LPP: variants seen among roughly 807,000 people sequenced by gnomAD.
LPP encodes the protein LIM domain containing preferred translocation partner in lipoma.
In LPP, 38 loss-of-function variants were observed where a neutral mutation model predicts 60.4. The ratio of observed to expected loss-of-function variants is 0.63; its 90% CI spans 0.49 to 0.83. The LOEUF (loss-of-function observed/expected upper bound fraction) is 0.83. Ranked by LOEUF, LPP falls within the 40% of genes least tolerant of loss-of-function variation. The pLI, the probability that LPP is intolerant of heterozygous loss-of-function variation, is 0.00. For synonymous variants in LPP, 328 were observed against 290.8 expected, an observed-to-expected ratio of 1.13 and a Z score of -1.30; for missense variants, 902 against 783.6, an observed-to-expected ratio of 1.15 and a Z score of -1.80.
chr3:188,408,598 C>T (rs149845828), intron 4 of LPP, among the ~76,000 whole-genome samples: 10 of 152,260 alleles, frequency 6.6e-5, no homozygotes, highest in Non-Finnish European at 1.3e-4. Context: ...CTCCCTTTCC[C>T]GAGTTTCCAC....
rs1435446855 is a variant in LPP, at chr3:188,609,973, G to A, written c.1113+129G>A. 3.3e-6 allele frequency: 3 copies of A among 898,838 alleles called. No individual in the cohort carries two copies. Among genetic ancestry groups the A allele is most frequent in the African/African-American group, 3.4e-5 (2 of 58,864 alleles). 55.7% of individuals were successfully genotyped at this position (898,838 alleles called of 1,614,324 possible). On this transcript the variant is annotated intron_variant, in intron 7 of 11. Transcript: ENST00000617246. This position sits in a 1 kb window ranked among gnomAD's most constrained non-coding sequence, Gnocchi z 6.9. ...TTTCACTGACAAATACAATCCCAGG[G>A]AAGGATGAGTGAAGCCAGAGAGGAG...
At chr3:188,602,181 T>TATATAATATATATATA (rs1841490428) in intron 6 of LPP, among the ~76,000 whole-genome samples, 6 of 135,002 alleles carry the variant, frequency 4.4e-5, no homozygotes, top group African/African-American at 1.6e-4. Context: ...ATATATTATA[T>TATATAATATATATATA]ATATATATGA....
At chr3:188,874,276 C>T (rs1578102992) in intron 11 of LPP, 75 bp from the exon 12 acceptor site, 1 of 1,446,364 alleles carries the variant, frequency 6.9e-7, no homozygotes, top group East Asian at 2.3e-5. Context: ...GAATAGAAAG[C>T]TCAATCATGA....
chr3:188,171,205 C>T (rs577562887), intron 1 of LPP, among the ~76,000 whole-genome samples: 13 of 152,222 alleles, frequency 8.5e-5, no homozygotes, highest in African/African-American at 2.7e-4. Context: ...AAGCTGCAGT[C>T]ACCCTGGATT....
chr3:188,526,343 G>A (rs1820576560), intron 6 of LPP, among the ~76,000 whole-genome samples: 1 of 151,936 alleles, frequency 6.6e-6, no homozygotes, highest in African/African-American at 2.4e-5. Flanking sequence ...TGCCAAGGCT[G>A]GAATGCAGTG....
intron 6 of LPP, among the ~76,000 whole-genome samples, chr3:188,602,467 T>C (rs1202734358): frequency 6.6e-6 from 1 of 151,752 alleles, no homozygotes; most frequent in African/African-American, 2.4e-5. Context: ...TTTTTGCTCA[T>C]TGTACAAACT....
At chr3:188,559,013 G>T (rs895471501) in intron 6 of LPP, among the ~76,000 whole-genome samples, 2 of 152,026 alleles carry the variant, frequency 1.3e-5, no homozygotes, top group Non-Finnish European at 2.9e-5. Flanking sequence ...GTAATGAAAT[G>T]CATGGGTTCT....
At chr3:188,841,297 G>A (rs1759897660) in intron 9 of LPP, among the ~76,000 whole-genome samples, 4 of 26,572 alleles carry the variant, frequency 1.5e-4, no homozygotes, top group African/African-American at 6.8e-4. Flanking sequence ...GTGTGGTACA[G>A]TGTCCTGACA....
intron 2 of LPP, among the ~76,000 whole-genome samples, chr3:188,340,498 G>A (rs1451942247): frequency 6.7e-6 from 1 of 149,760 alleles, no homozygotes; most frequent in Non-Finnish European, 1.5e-5. Flanking sequence ...TTATGTAAAC[G>A]GGACATTTTA....
chr3:188,787,137 A>G (rs1262326739), intron 9 of LPP, among the ~76,000 whole-genome samples: 1 of 152,208 alleles, frequency 6.6e-6, no homozygotes, highest in Non-Finnish European at 1.5e-5. Context: ...AGAAATCTGA[A>G]TAAGATTGAT....
chr3:188,685,054 A>C (rs1211925312), intron 7 of LPP, among the ~76,000 whole-genome samples: 3 of 152,210 alleles, frequency 2.0e-5, no homozygotes. Flanking sequence ...ACCCTTTGAA[A>C]TGTGGGTACT....
At chr3:188,391,007 G>A (rs1452733196) in intron 3 of LPP, among the ~76,000 whole-genome samples, 3 of 152,212 alleles carry the variant, frequency 2.0e-5, no homozygotes, top group Non-Finnish European at 4.4e-5. Context: ...TCGGGCATGT[G>A]TGTTATGTGA....
Position 188,213,991 on chromosome 3 carries a change from C to CAA in LPP, c.-189-11413_-189-11412insAA, listed in dbSNP as rs573306392. Among the ~76,000 whole-genome samples the CAA allele has an allele frequency of 2.0e-3, 310 of 151,918 alleles. 2 individuals are homozygous for CAA. Among genetic ancestry groups the CAA allele is most frequent in the African/African-American group, 7.3e-3 (303 of 41,430 alleles). On this transcript the variant is annotated intron_variant, in intron 1 of 11. Transcript: ENST00000617246. The stretch of plus-strand genomic sequence containing the variant: ...ACACACACACACACACACACACACA[C>CAA]ACACACACACTTTTTAAGCCTACCA...
intron 8 of LPP, among the ~76,000 whole-genome samples, chr3:188,713,112 A>C (rs1324431704): frequency 6.6e-6 from 1 of 152,196 alleles, no homozygotes; most frequent in Non-Finnish European, 1.5e-5. Flanking sequence ...TCTTAAACCA[A>C]GTAATGAAAT....
chr3:188,576,121 T>C (rs930069933), intron 6 of LPP, among the ~76,000 whole-genome samples: 1 of 152,198 alleles, frequency 6.6e-6, no homozygotes, highest in Non-Finnish European at 1.5e-5. Context: ...TTAAGGCCAT[T>C]GGTTTAAATC....
At position 188,572,694 on chromosome 3, in the gene LPP, C is replaced by G. The variant is rs1833791166; in HGVS notation, c.430-36467C>G. 6.6e-6 allele frequency among the ~76,000 whole-genome samples: 1 copy of G among 152,010 alleles called. No individual in the cohort carries two copies. The highest frequency in any genetic ancestry group is 2.1e-4 in the South Asian group (1 of 4,826). ...AAATTGAATGATAGGGGTGTAAGCA[C>G]TTTGTAAATCCAAGTAAGAATTATT... On this transcript the variant is annotated intron_variant, in intron 6 of 11. Coordinates refer to ENST00000617246, the MANE Select transcript of LPP (RefSeq NM_001375462.1). This position sits in a 1 kb window ranked among gnomAD's most constrained non-coding sequence, Gnocchi z 4.1.
intron 9 of LPP, among the ~76,000 whole-genome samples, chr3:188,815,425 A>G (rs1373678433): frequency 6.6e-6 from 1 of 152,280 alleles, no homozygotes; most frequent in South Asian, 2.1e-4. Context: ...AAAGCACTTC[A>G]TCTTAGACTC....
intron 5 of LPP, among the ~76,000 whole-genome samples, chr3:188,519,944 T>G (rs1818412161): frequency 6.6e-6 from 1 of 152,220 alleles, no homozygotes; most frequent in African/African-American, 2.4e-5. Context: ...TAGTGATAGT[T>G]GGCCTGAAAT....
At chr3:188,721,376 C>T (rs1716305842) in intron 8 of LPP, among the ~76,000 whole-genome samples, 1 of 151,944 alleles carries the variant, frequency 6.6e-6, no homozygotes, top group South Asian at 2.1e-4. Context: ...CAGAGTGAGA[C>T]CCCCATCTCT....
Sources: gnomAD v4.1 joint callset for allele counts (sites outside exome capture counted in the v4.1 genomes callset) on GRCh38, gnomAD v4.1.1 for gene constraint, Gnocchi (gnomAD v3.1) non-coding constraint, MANE v1.5 for transcripts, NCBI Gene and HGNC (gene_info 2026-07-23, HGNC 2026-07-21) for gene names.